UNC13C: variants seen among roughly 807,000 people sequenced by gnomAD.
UNC13C encodes the protein protein unc-13 homolog C.
A neutral mutation model predicts 245.4 loss-of-function variants in UNC13C; 174 were observed. That is an observed-to-expected ratio of 0.71 (90% CI 0.63 to 0.80). The LOEUF (loss-of-function observed/expected upper bound fraction) is 0.80, where lower values mean the gene tolerates loss of function less well. Among genes scored for constraint, UNC13C ranks in the 30% least tolerant of loss-of-function variants. UNC13C has a pLI of 0.00. For missense variants in UNC13C, 2,829 were observed against 2,602.9 expected, an observed-to-expected ratio of 1.09 and a Z score of -1.89; for synonymous variants, 992 against 895.1, an observed-to-expected ratio of 1.11 and a Z score of -1.93.
chr15:54,226,174 A>G (rs1397794922), intron 4 of UNC13C, among the ~76,000 whole-genome samples: 1 of 152,160 alleles, frequency 6.6e-6, no homozygotes, highest in Admixed American at 6.5e-5. Context: ...TGTCATGGGT[A>G]AGCTTTTTGT....
chr15:54,363,861 A>G (rs1240157953), intron 17 of UNC13C, among the ~76,000 whole-genome samples: 2 of 152,334 alleles, frequency 1.3e-5, no homozygotes, highest in African/African-American at 4.8e-5. Flanking sequence ...TTAAATAAGG[A>G]TTTCCATTTT....
At chr15:54,481,851 C>T (rs1567314824) in intron 19 of UNC13C, among the ~76,000 whole-genome samples, 1 of 152,086 alleles carries the variant, frequency 6.6e-6, no homozygotes, top group Non-Finnish European at 1.5e-5. Context: ...CCCAGGCCTC[C>T]AGATGACCTG....
chr15:53,978,530 G>C lies in UNC13C; in HGVS notation c.-654G>C, dbSNP rs1018942207. ...CTCACCCTCAAATGTTGATGAGCCT[G>C]GGCGCTCCTCAACACACGGGAGAGA... On this transcript the variant is annotated 5_prime_UTR_variant, in exon 1 of 33. Transcript: ENST00000260323. 9.9e-5 allele frequency among the ~76,000 whole-genome samples: 15 copies of C among 152,164 alleles called. No individual in the cohort carries two copies. Among genetic ancestry groups the C allele is most frequent in the African/African-American group, 3.6e-4 (15 of 41,436 alleles).
chr15:53,919,801 A>G, the UNC13C span, among the ~76,000 whole-genome samples: 9 of 152,220 alleles, frequency 5.9e-5, no homozygotes, highest in Admixed American at 2.6e-4. Context: ...TAGGATTCTC[A>G]AAGTAGGTAT....
At chr15:53,846,541 A>G in the UNC13C span, among the ~76,000 whole-genome samples, 1 of 152,150 alleles carries the variant, frequency 6.6e-6, no homozygotes, top group Non-Finnish European at 1.5e-5. Context: ...AGAAAATTTT[A>G]GTATTTACTT....
At chr15:54,164,242 A>G (rs1368148339) in intron 4 of UNC13C, among the ~76,000 whole-genome samples, 4 of 152,226 alleles carry the variant, frequency 2.6e-5, no homozygotes, top group African/African-American at 9.6e-5. Flanking sequence ...TGTATAATAT[A>G]TACACATGTA....
chr15:54,455,040 A>T (rs1567288552), intron 19 of UNC13C, among the ~76,000 whole-genome samples: 1 of 151,032 alleles, frequency 6.6e-6, no homozygotes, highest in Non-Finnish European at 1.5e-5. Flanking sequence ...CCCACTTATA[A>T]GTGAGAACAT....
chr15:54,296,920 G>A (rs562772975), intron 11 of UNC13C, among the ~76,000 whole-genome samples: 22 of 152,150 alleles, frequency 1.4e-4, no homozygotes, highest in South Asian at 2.1e-4. Flanking sequence ...AGTTTATACC[G>A]AACACGTACG....
the UNC13C span, among the ~76,000 whole-genome samples, chr15:53,841,178 C>T: frequency 6.6e-6 from 1 of 151,852 alleles, no homozygotes; most frequent in Non-Finnish European, 1.5e-5. Flanking sequence ...ATTACAGATC[C>T]CTATTTTATA....
chr15:54,082,131 A>G (rs966964189), intron 2 of UNC13C, among the ~76,000 whole-genome samples: 3 of 152,148 alleles, frequency 2.0e-5, no homozygotes, highest in African/African-American at 4.8e-5. Context: ...CTTCTGGTTT[A>G]GAAGACCGCT....
intron 4 of UNC13C, among the ~76,000 whole-genome samples, chr15:54,208,176 C>G (rs1158208855): frequency 6.6e-6 from 1 of 151,968 alleles, no homozygotes; most frequent in Non-Finnish European, 1.5e-5. Flanking sequence ...GCCACATACT[C>G]TTAAACAACC....
At chr15:54,093,110 T>C (rs2141139439) in intron 2 of UNC13C, among the ~76,000 whole-genome samples, 1 of 152,120 alleles carries the variant, frequency 6.6e-6, no homozygotes, top group African/African-American at 2.4e-5. Context: ...TTCTTGCTTA[T>C]AAGTCCTACT....
At chr15:53,989,068 A>C (rs1302226712) in intron 1 of UNC13C, among the ~76,000 whole-genome samples, 4 of 152,002 alleles carry the variant, frequency 2.6e-5, no homozygotes, top group Non-Finnish European at 5.9e-5. Flanking sequence ...TAGTGGGCTC[A>C]TAAAAGATTC....
intron 19 of UNC13C, among the ~76,000 whole-genome samples, chr15:54,418,367 C>T (rs2040564509): frequency 6.6e-6 from 1 of 152,062 alleles, no homozygotes; most frequent in African/African-American, 2.4e-5. Context: ...ATTAAATCCC[C>T]TATGTCGTTT....
chr15:54,383,142 T>C (rs994708785), intron 17 of UNC13C, among the ~76,000 whole-genome samples: 5 of 152,180 alleles, frequency 3.3e-5, no homozygotes, highest in African/African-American at 1.2e-4. Context: ...TACCACTTTT[T>C]CTTAAACTAT....
At chr15:53,847,302 C>A in the UNC13C span, among the ~76,000 whole-genome samples, 1 of 151,400 alleles carries the variant, frequency 6.6e-6, no homozygotes, top group African/African-American at 2.4e-5. Flanking sequence ...ATAATTCAGG[C>A]TAACAAAAAG....
chr15:53,849,540 C>T, the UNC13C span, among the ~76,000 whole-genome samples: 1 of 152,040 alleles, frequency 6.6e-6, no homozygotes, highest in Non-Finnish European at 1.5e-5. Context: ...GTTATAAACT[C>T]CAGAATACAT....
the UNC13C span, among the ~76,000 whole-genome samples, chr15:53,857,996 C>A: frequency 1.3e-5 from 2 of 152,132 alleles, no homozygotes; most frequent in African/African-American, 2.4e-5. Context: ...GCTTAACATG[C>A]TGCTTTCTTA....
intron 16 of UNC13C, among the ~76,000 whole-genome samples, chr15:54,335,964 A>G (rs761169284): frequency 2.0e-5 from 3 of 152,080 alleles, no homozygotes; most frequent in Non-Finnish European, 2.9e-5. Flanking sequence ...ATGTATGTAT[A>G]TATTTCTTAT....
Sources: allele counts gnomAD v4.1 joint callset (sites outside exome capture counted in the v4.1 genomes callset), GRCh38; gene constraint gnomAD v4.1.1; transcripts MANE v1.5; gene names NCBI Gene and HGNC (gene_info 2026-07-23, HGNC 2026-07-21).